The following SLC4A4 variants were observed in gnomAD, a reference collection of about 807,000 sequenced individuals.
SLC4A4 encodes the protein electrogenic sodium bicarbonate cotransporter 1.
Under a neutral mutation model 111.5 loss-of-function variants are expected in SLC4A4, and 27 were observed. The observed-to-expected ratio is 0.24, with a 90% CI of 0.18 to 0.33. The LOEUF (loss-of-function observed/expected upper bound fraction) is 0.33. Among genes scored for constraint, SLC4A4 ranks in the 10% least tolerant of loss-of-function variants. SLC4A4 has a pLI of 1.00. For synonymous variants in SLC4A4, 443 were observed against 463.4 expected, an observed-to-expected ratio of 0.96 and a Z score of 0.57; for missense variants, 909 against 1,315.5, an observed-to-expected ratio of 0.69 and a Z score of 4.78.
At chr4:71,263,406 A>G (rs1722012322) in intron 3 of SLC4A4, among the ~76,000 whole-genome samples, 1 of 152,136 alleles carries the variant, frequency 6.6e-6, no homozygotes. Context: ...TCTCTTCAGT[A>G]TTATCATTAG....
intron 1 of SLC4A4, among the ~76,000 whole-genome samples, chr4:71,233,071 A>G (rs1201023911): frequency 6.6e-6 from 1 of 152,220 alleles, no homozygotes; most frequent in Non-Finnish European, 1.5e-5. Flanking sequence ...ATGTCTACAA[A>G]TGTGTAATGG....
chr4:71,262,925 C>G (rs749747410), intron 3 of SLC4A4, among the ~76,000 whole-genome samples: 12 of 151,864 alleles, frequency 7.9e-5, no homozygotes, highest in Non-Finnish European at 1.6e-4. Context: ...AGGTTAGTTA[C>G]ATATGTATAC....
At chr4:71,203,415 T>C (rs1746344680) in intron 1 of SLC4A4, among the ~76,000 whole-genome samples, 1 of 152,160 alleles carries the variant, frequency 6.6e-6, no homozygotes, top group Non-Finnish European at 1.5e-5. Context: ...AATTATGTAT[T>C]GTGTCCAAAA....
chr4:71,164,056 G>T (rs902000493), intron 2 of SLC4A4, among the ~76,000 whole-genome samples: 1 of 151,730 alleles, frequency 6.6e-6, no homozygotes, highest in Admixed American at 6.6e-5. Flanking sequence ...GACCAGCCTG[G>T]CCAACATGGC....
chr4:71,292,673 C>T (rs1686223149), intron 3 of SLC4A4, among the ~76,000 whole-genome samples: 1 of 151,750 alleles, frequency 6.6e-6, no homozygotes. Context: ...TCTTGATTTT[C>T]CCAACAGCTG....
chr4:71,391,039 C>T (rs1192015451), intron 6 of SLC4A4, among the ~76,000 whole-genome samples: 1 of 151,950 alleles, frequency 6.6e-6, no homozygotes, highest in African/African-American at 2.4e-5. Context: ...GTTATGCCAA[C>T]AAAGGAAGAA....
intron 2 of SLC4A4, among the ~76,000 whole-genome samples, chr4:71,155,935 T>C (rs1470288293): frequency 6.6e-6 from 1 of 152,250 alleles, no homozygotes; most frequent in East Asian, 1.9e-4. Flanking sequence ...TGGTAATATA[T>C]GTACGCATAA....
At chr4:71,468,434 T>A (rs1727574356) in intron 13 of SLC4A4, among the ~76,000 whole-genome samples, 1 of 152,076 alleles carries the variant, frequency 6.6e-6, no homozygotes, top group African/African-American at 2.4e-5. Flanking sequence ...ATTATTTCCT[T>A]TCACTAAGCA....
intron 3 of SLC4A4, among the ~76,000 whole-genome samples, chr4:71,314,651 G>A (rs777295336): frequency 2.0e-5 from 3 of 152,124 alleles, no homozygotes; most frequent in Non-Finnish European, 4.4e-5. Flanking sequence ...ATCATCCTCA[G>A]CAAACTAACA....
At chr4:71,233,780 T>C (rs1287330188) in intron 1 of SLC4A4, among the ~76,000 whole-genome samples, 2 of 152,152 alleles carry the variant, frequency 1.3e-5, no homozygotes, top group East Asian at 3.9e-4. Flanking sequence ...CCCTGGCTCC[T>C]TCAATATTTT....
At chr4:71,518,162 G>A (rs1732583653) in intron 16 of SLC4A4, among the ~76,000 whole-genome samples, 3 of 152,150 alleles carry the variant, frequency 2.0e-5, no homozygotes, top group African/African-American at 7.2e-5. Context: ...CCTAATGCCT[G>A]AAGCCAAAGT....
chr4:71,532,314 T>C, intron 17 of SLC4A4, 139 bp downstream of exon 17: 2 of 678,598 alleles, frequency 2.9e-6, no homozygotes, highest in Non-Finnish European at 5.4e-6. Context: ...CCTCTTAGGC[T>C]CATATATACA....
At chr4:71,450,592 A>T (rs774797683) in intron 10 of SLC4A4, 49 bp downstream of exon 10, 3 of 1,565,062 alleles carry the variant, frequency 1.9e-6, no homozygotes, top group Non-Finnish European at 2.6e-6. Flanking sequence ...TGACTCTGAG[A>T]AGGAGGTTGT....
chr4:71,348,860 G>C (rs974247588), intron 4 of SLC4A4, among the ~76,000 whole-genome samples: 1 of 152,058 alleles, frequency 6.6e-6, no homozygotes, highest in Non-Finnish European at 1.5e-5. Flanking sequence ...TTAGGTGAGC[G>C]TTTAGCTTTC....
chr4:71,169,418 C>G (rs1840087), intron 2 of SLC4A4, among the ~76,000 whole-genome samples: 2 of 151,946 alleles, frequency 1.3e-5, no homozygotes, highest in African/African-American at 4.8e-5. Flanking sequence ...CGATATCTCA[C>G]TGTGGTTCTG....
intron 1 of SLC4A4, among the ~76,000 whole-genome samples, chr4:71,234,689 G>A (rs1230407406): frequency 6.6e-6 from 1 of 152,138 alleles, no homozygotes; most frequent in Non-Finnish European, 1.5e-5. Flanking sequence ...CCTGCCGAGG[G>A]ATTACAGGTG....
At chr4:71,127,790 A>G (rs1743598045) in intron 2 of SLC4A4, among the ~76,000 whole-genome samples, 1 of 152,230 alleles carries the variant, frequency 6.6e-6, no homozygotes, top group Admixed American at 6.5e-5. Flanking sequence ...ATTAGGGTGT[A>G]TGCTCAAAAG....
At chr4:71,376,594 T>A (rs1037254079) in intron 6 of SLC4A4, among the ~76,000 whole-genome samples, 15 of 148,206 alleles carry the variant, frequency 1.0e-4, no homozygotes, top group South Asian at 2.1e-4. Flanking sequence ...ATATTTAAAA[T>A]ATATATATGT....
chr4:71,093,716 C>A (rs952454497), intron 2 of SLC4A4, among the ~76,000 whole-genome samples: 1 of 152,084 alleles, frequency 6.6e-6, no homozygotes, highest in Non-Finnish European at 1.5e-5. Flanking sequence ...GATGCATTTT[C>A]CCCCTTTGTG....
Sources: allele counts gnomAD v4.1 joint callset (sites outside exome capture counted in the v4.1 genomes callset), GRCh38; gene constraint gnomAD v4.1.1; transcripts MANE v1.5; gene names NCBI Gene and HGNC (gene_info 2026-07-23, HGNC 2026-07-21).